DGKI: variants seen among roughly 807,000 people sequenced by gnomAD.
The protein encoded by DGKI is DAG kinase iota.
DGKI carries 55 observed loss-of-function variants against 147.5 expected under a neutral mutation model. The ratio of observed to expected loss-of-function variants is 0.37; its 90% CI spans 0.30 to 0.47. DGKI has a LOEUF of 0.47. DGKI is among the 20% of genes least tolerant of loss of function. The pLI is 1.00. For synonymous variants in DGKI, 469 were observed against 477.1 expected, an observed-to-expected ratio of 0.98 and a Z score of 0.22; for missense variants, 1,007 against 1,323.8, an observed-to-expected ratio of 0.76 and a Z score of 3.71.
intron 20 of DGKI, among the ~76,000 whole-genome samples, chr7:137,548,695 C>T (rs895651069): frequency 6.6e-6 from 1 of 152,304 alleles, no homozygotes; most frequent in Middle Eastern, 3.4e-3. Flanking sequence ...TAGCTGGGCA[C>T]AGTGACTCAC....
intron 1 of DGKI, among the ~76,000 whole-genome samples, chr7:137,784,938 A>T (rs1192071892): frequency 6.6e-6 from 1 of 152,070 alleles, no homozygotes; most frequent in East Asian, 1.9e-4. Flanking sequence ...ATAGTGACAC[A>T]ACCTATCAAA....
At chr7:137,667,062 T>G (rs1453880391) in intron 3 of DGKI, among the ~76,000 whole-genome samples, 1 of 152,198 alleles carries the variant, frequency 6.6e-6, no homozygotes, top group Admixed American at 6.5e-5. Flanking sequence ...GCAATCTTCC[T>G]GATTTTGGCT....
chr7:137,545,885 T>C (rs1433604360), intron 20 of DGKI: 5 of 700,802 alleles, frequency 7.1e-6, no homozygotes, highest in African/African-American at 1.7e-5. Context: ...AGAAACAGAA[T>C]GGCACTGTAC....
At chr7:137,600,084 GA>G (rs111544047) in intron 10 of DGKI, among the ~76,000 whole-genome samples, 179 bp from the exon 11 acceptor site, 7,368 of 152,164 alleles carry the variant, frequency 0.048, 414 homozygotes, top group African/African-American at 0.14. Context: ...AGGAGTTTGA[GA>G]CCAGCCTAGG....
intron 3 of DGKI, among the ~76,000 whole-genome samples, chr7:137,678,291 C>A (rs776071075): frequency 2.1e-4 from 32 of 152,142 alleles, no homozygotes; most frequent in Middle Eastern, 6.3e-3. Flanking sequence ...CACCAACACA[C>A]AACAACCTAC....
chr7:137,395,721 A>G (rs1367998999), intron 31 of DGKI, 24 bp from the exon 32 acceptor site: 4 of 1,611,378 alleles, frequency 2.5e-6, no homozygotes, highest in Non-Finnish European at 3.4e-6. Flanking sequence ...GAAATGGGAA[A>G]CCACCCATAA....
At chr7:137,465,570 A>T (rs1435073067) in intron 26 of DGKI, among the ~76,000 whole-genome samples, 1 of 152,202 alleles carries the variant, frequency 6.6e-6, no homozygotes, top group Non-Finnish European at 1.5e-5. Context: ...GAAGAGGAAG[A>T]GGAGAAAATT....
rs1424374195 is a variant in DGKI at position 137,429,866 on chromosome 7, A to G, written c.2761+14211T>C. On this transcript the variant is annotated intron_variant, in intron 28 of 32. Coordinates refer to ENST00000614521, the MANE Select transcript of DGKI (RefSeq NM_001321708.2). The stretch of plus-strand genomic sequence containing the variant: ...AAACCACAATGAGATACCATCTCAC[A>G]CCAGTTAGAATGGCAATCATTAAAA... Among the ~76,000 whole-genome samples, 11 of 120,740 alleles carry G rather than the reference A, an allele frequency of 9.1e-5. No individual in the cohort carries two copies. The East Asian group carries it at 3.1e-3, about 34-fold the overall frequency. The allele number at this position is 120,740 out of a possible 152,430, so 79.2% of individuals were successfully genotyped here. A position where few individuals can be genotyped will look rare whatever the true frequency, so the allele number is the denominator to read the frequency against.
chr7:137,512,588 T>C (rs1816615837), intron 21 of DGKI, among the ~76,000 whole-genome samples: 1 of 152,206 alleles, frequency 6.6e-6, no homozygotes, highest in Non-Finnish European at 1.5e-5. Context: ...ATGTGTTACA[T>C]AAAATAAACC....
At chr7:137,574,731 C>T (rs980758471) in intron 17 of DGKI, among the ~76,000 whole-genome samples, 1 of 151,990 alleles carries the variant, frequency 6.6e-6, no homozygotes, top group East Asian at 1.9e-4. Context: ...TATTTGCATC[C>T]AAAATATGTT....
chr7:137,840,840 C>A (rs1432261429), intron 1 of DGKI, among the ~76,000 whole-genome samples: 1 of 152,208 alleles, frequency 6.6e-6, no homozygotes, highest in Non-Finnish European at 1.5e-5. Flanking sequence ...ACCTACCAAG[C>A]AAGAAGAATC....
At chr7:137,433,179 C>A (rs1043277675) in intron 28 of DGKI, among the ~76,000 whole-genome samples, 1 of 152,130 alleles carries the variant, frequency 6.6e-6, no homozygotes, top group Non-Finnish European at 1.5e-5. Flanking sequence ...ACAGTCCAGA[C>A]CTAAGCAGCT....
At chr7:137,586,480 T>C (rs1446984677) in intron 13 of DGKI, among the ~76,000 whole-genome samples, 1 of 152,090 alleles carries the variant, frequency 6.6e-6, no homozygotes, top group Non-Finnish European at 1.5e-5. Context: ...CATATGTATA[T>C]ATACACAGTG....
intron 21 of DGKI, among the ~76,000 whole-genome samples, chr7:137,502,858 AC>A (rs1816228323): frequency 6.6e-6 from 1 of 152,056 alleles, no homozygotes; most frequent in African/African-American, 2.4e-5. Flanking sequence ...AGTTTTCAAC[AC>A]TGAGCTCAGA....
At chr7:137,724,342 T>A (rs961799970) in intron 1 of DGKI, among the ~76,000 whole-genome samples, 4 of 152,182 alleles carry the variant, frequency 2.6e-5, no homozygotes, top group Non-Finnish European at 4.4e-5. Flanking sequence ...GGAAATGATA[T>A]GAACATCTTT....
At chr7:137,564,061 A>G (rs1424167885) in intron 19 of DGKI, among the ~76,000 whole-genome samples, 1 of 152,192 alleles carries the variant, frequency 6.6e-6, no homozygotes, top group African/African-American at 2.4e-5. Context: ...ATTGGCAATG[A>G]GGATAAACAA....
chr7:137,825,979 A>T (rs1332270446), intron 1 of DGKI, among the ~76,000 whole-genome samples: 1 of 152,248 alleles, frequency 6.6e-6, no homozygotes, highest in African/African-American at 2.4e-5. Flanking sequence ...GACTAGAATT[A>T]TGAACTTGCT....
chr7:137,559,836 A>T (rs1360388510), intron 19 of DGKI, among the ~76,000 whole-genome samples: 1 of 152,204 alleles, frequency 6.6e-6, no homozygotes, highest in Non-Finnish European at 1.5e-5. Flanking sequence ...AGCTATATGG[A>T]CAATCATTCC....
In DGKI at chr7:137,424,861, T is replaced by G. The variant is rs541725826; in HGVS notation, c.2762-12654A>C. Among the ~76,000 whole-genome samples, 1,421 of 152,332 alleles carry G rather than the reference T, an allele frequency of 9.3e-3. 14 individuals carry two copies. The highest frequency in any genetic ancestry group is 0.033 in the African/African-American group (1,358 of 41,578). On this transcript the variant is annotated intron_variant, in intron 28 of 32. Transcript: ENST00000614521. ...AGGGGCACCCGCCATTGCCCAGGCT[T>G]GCTTAGGTAAACAAAGCAGCCAGGA...
Sources: allele counts gnomAD v4.1 joint callset (sites outside exome capture counted in the v4.1 genomes callset), GRCh38; gene constraint gnomAD v4.1.1; transcripts MANE v1.5; gene names NCBI Gene and HGNC (gene_info 2026-07-23, HGNC 2026-07-21).